PTH1R: variants seen among roughly 807,000 people sequenced by gnomAD.
PTH1R encodes the protein parathyroid hormone/parathyroid hormone-related peptide receptor.
Under a neutral mutation model 70.7 loss-of-function variants are expected in PTH1R, and 32 were observed. That is an observed-to-expected ratio of 0.45 (90% confidence interval 0.34 to 0.61). PTH1R has a LOEUF of 0.61. Among genes scored for constraint, PTH1R ranks in the 20% least tolerant of loss-of-function variants. PTH1R has a pLI of 0.01. For synonymous variants in PTH1R, 329 were observed against 324.8 expected, an observed-to-expected ratio of 1.01 and a Z score of -0.14; for missense variants, 626 against 792.5, an observed-to-expected ratio of 0.79 and a Z score of 2.52.
At chr3:46,885,703 G>A (rs999754973) in intron 3 of PTH1R, among the ~76,000 whole-genome samples, 6 of 152,126 alleles carry the variant, frequency 3.9e-5, no homozygotes, top group Non-Finnish European at 5.9e-5. Flanking sequence ...CCCTGGCTTC[G>A]GGGCCAGAAG....
At chr3:46,881,650 C>T (rs1022141130) in intron 2 of PTH1R, among the ~76,000 whole-genome samples, 1 of 148,580 alleles carries the variant, frequency 6.7e-6, no homozygotes, top group Non-Finnish European at 1.5e-5. Context: ...GGGCGGGGGT[C>T]GGGGCTGGCC....
At position 46,887,100 on chromosome 3, in the gene PTH1R, C is replaced by T. The variant is rs150485543; in HGVS notation, c.75+3466C>T. Among the ~76,000 whole-genome samples, 584 of 151,954 alleles carry T rather than the reference C, an allele frequency of 3.8e-3. 6 individuals carry two copies. The highest frequency in any genetic ancestry group is 0.014 in the African/African-American group (562 of 41,406). Reference sequence around the variant, plus strand: ...ACTAAGAATACAAAAATTAGCCACGCGTGGTGGTACGTGCCTGTAATCCCA... The same window carrying T: ...ACTAAGAATACAAAAATTAGCCACGTGTGGTGGTACGTGCCTGTAATCCCA... On this transcript the variant is annotated intron_variant, in intron 3 of 15. Coordinates refer to ENST00000449590, the MANE Select transcript of PTH1R (RefSeq NM_000316.3).
chr3:46,898,705 C>G lies in PTH1R; in HGVS notation c.682C>G (p.Leu228Val). ...CAACTACATCCACATGCACCTGTTC[C>G]TGTCCTTCATGCTGCGCGCCGTGAG... ...TRNYIHMHLF[L>V]SFMLRAVSIF... Residue 228 changes from leucine to valine, a missense_variant, in exon 9 of 16, where the codon CTG (leucine) becomes GTG (valine). Leu to Val is a conservative substitution (Grantham distance 32, BLOSUM62 1). Coordinates refer to ENST00000449590, the MANE Select transcript of PTH1R (RefSeq NM_000316.3). The G allele has an allele frequency of 6.2e-7, 1 of 1,612,266 alleles. No homozygotes were observed. The highest frequency in any genetic ancestry group is 2.2e-5 in the East Asian group (1 of 44,868).
Position 46,892,380 on chromosome 3 carries a change from A to G in PTH1R, c.76-1527A>G, listed in dbSNP as rs1207706455. Among the ~76,000 whole-genome samples, 1 of 152,192 alleles carries G rather than the reference A, an allele frequency of 6.6e-6. No individual in the cohort carries two copies. The highest frequency in any genetic ancestry group is 6.5e-5 in the Admixed American group (1 of 15,286). ...CACAAACACGTCCGGCTCGCGTCCC[A>G]TACTGACAGGCTGGACAGTCTCCAT... On this transcript the variant is annotated intron_variant, in intron 3 of 15. Coordinates refer to ENST00000449590, the MANE Select transcript of PTH1R (RefSeq NM_000316.3). The surrounding 1 kb of genome is among the most constrained non-coding windows in gnomAD (Gnocchi z 5.2).
chr3:46,895,075 C>CA (rs1167277169), intron 4 of PTH1R, among the ~76,000 whole-genome samples: 4 of 121,852 alleles, frequency 3.3e-5, no homozygotes, highest in Admixed American at 9.0e-5. Context: ...AAAAAAAAAA[C>CA]AAAAAAAACA....
At position 46,894,015 on chromosome 3, in the gene PTH1R, G is replaced by A. The variant is rs1183920969; in HGVS notation, c.178+6G>A. The A allele has an allele frequency of 6.2e-7, 1 of 1,613,852 alleles. No homozygotes were observed. The highest frequency in any genetic ancestry group is 1.1e-5 in the South Asian group (1 of 91,046). On this transcript the variant is annotated splice_donor_region_variant and intron_variant, in intron 4 of 15. Coordinates refer to ENST00000449590, the MANE Select transcript of PTH1R (RefSeq NM_000316.3). ...GGAGGTCCTGCAGAGGCCAGGTGGG[G>A]GTCAAAGGAAGAGGGTCTGGGGATG...
Position 46,891,793 on chromosome 3 carries a change from C to T in PTH1R, c.76-2114C>T, listed in dbSNP as rs1488216139. On this transcript the variant is annotated intron_variant, in intron 3 of 15. Transcript: ENST00000449590. The surrounding 1 kb of genome is among the most constrained non-coding windows in gnomAD (Gnocchi z 4.3). ...GGTTATATGGATGGTTACAGTAGTG[C>T]TCATGGTGGTAACGGTGATGCCAGT... 1.3e-5 allele frequency among the ~76,000 whole-genome samples: 2 copies of T among 151,858 alleles called. No homozygotes were observed. The highest frequency in any genetic ancestry group is 2.1e-4 in the South Asian group (1 of 4,808).
intron 4 of PTH1R, 39 bp downstream of exon 4, chr3:46,894,048 G>C: frequency 6.3e-7 from 1 of 1,596,948 alleles, no homozygotes; most frequent in Non-Finnish European, 8.6e-7. Context: ...ATGAGGTCAG[G>C]TGAGGGAGGG....
rs73831404 is a variant in PTH1R at position 46,901,719 on chromosome 3, G to A, written c.1117-47G>A. ...GGCCGTGGCTGCCAGGCCTTGCCCC[G>A]CCCCACTAGGGTGCAGCCTCCAGAC... On this transcript the variant is annotated intron_variant, in intron 12 of 15. Transcript: ENST00000449590. The surrounding 1 kb of genome is among the most constrained non-coding windows in gnomAD (Gnocchi z 7.3). 4.5e-4 allele frequency: 712 copies of A among 1,578,540 alleles called. 3 individuals are homozygous for A. The African/African-American group carries it at 6.9e-3, about 15-fold the overall frequency.
Position 46,883,529 on chromosome 3 carries a change from G to T in PTH1R, c.-31G>T. The T allele has an allele frequency of 6.7e-7, 1 of 1,498,924 alleles. No homozygotes were observed. The highest frequency in any genetic ancestry group is 8.9e-7 in the Non-Finnish European group (1 of 1,129,930). 92.9% of individuals were successfully genotyped at this position (1,498,924 alleles called of 1,614,324 possible). ...ACCACCAGGGCCGGCGGCGGCGGCT[G>T]CCCCGAGGGACGCGGCCCTAGGCGG... is the stretch of plus-strand genomic sequence containing the variant. On this transcript the variant is annotated 5_prime_UTR_variant, in exon 3 of 16. Transcript: ENST00000449590. This position sits in a 1 kb window ranked among gnomAD's most constrained non-coding sequence, Gnocchi z 6.4.
Position 46,903,008 on chromosome 3 carries a change from T to G in PTH1R, c.1395+218T>G, listed in dbSNP as rs1472082403. On this transcript the variant is annotated intron_variant, in intron 15 of 15. Coordinates refer to ENST00000449590, the MANE Select transcript of PTH1R (RefSeq NM_000316.3). The surrounding 1 kb of genome is among the most constrained non-coding windows in gnomAD (Gnocchi z 4.4). Reference sequence around the variant, plus strand: ...CAGTCACTGGCATAGCCAAGTGTCTTCCCAGCCCCATGGTTCAATTATCTG... The same window carrying G: ...CAGTCACTGGCATAGCCAAGTGTCTGCCCAGCCCCATGGTTCAATTATCTG... 1.0e-6 allele frequency: 1 copy of G among 955,594 alleles called. No individual in the cohort carries two copies. The highest frequency in any genetic ancestry group is 1.6e-6 in the Non-Finnish European group (1 of 616,840). 59.2% of individuals were successfully genotyped at this position (955,594 alleles called of 1,614,324 possible). A position where few individuals can be genotyped will look rare whatever the true frequency, so the allele number is the denominator to read the frequency against.
At chr3:46,881,703 A>T (rs1363396481) in intron 2 of PTH1R, among the ~76,000 whole-genome samples, 1 of 141,070 alleles carries the variant, frequency 7.1e-6, no homozygotes. Context: ...GACTGAGGGC[A>T]GGGGACGAGG....
At position 46,902,397 on chromosome 3, in the gene PTH1R, C is replaced by A; in HGVS notation, c.1212-129C>A. ...AGCCATGCAGGTGAACTGGGTTGTC[C>A]TCCCATGGTGACTGGAGCCCTGGGC... On this transcript the variant is annotated intron_variant, in intron 13 of 15. Transcript: ENST00000449590. This position sits in a 1 kb window ranked among gnomAD's most constrained non-coding sequence, Gnocchi z 5.4. 7.8e-7 allele frequency: 1 copy of A among 1,288,440 alleles called. No homozygotes were observed. The allele number at this position is 1,288,440 out of a possible 1,614,324, so 79.8% of individuals were successfully genotyped here.
intron 3 of PTH1R, among the ~76,000 whole-genome samples, chr3:46,886,422 A>G (rs2031025449): frequency 6.6e-6 from 1 of 152,004 alleles, no homozygotes. Flanking sequence ...CAGTAGTGCG[A>G]TCTCGGCTCA....
intron 3 of PTH1R, among the ~76,000 whole-genome samples, chr3:46,886,113 T>C (rs569687567): frequency 4.5e-4 from 68 of 152,094 alleles, no homozygotes; most frequent in African/African-American, 1.4e-3. Flanking sequence ...GACCCACAGA[T>C]TGTGAGTAGG....
intron 3 of PTH1R, among the ~76,000 whole-genome samples, chr3:46,885,030 A>G (rs77707094): frequency 0.017 from 2,607 of 151,988 alleles, 72 homozygotes; most frequent in African/African-American, 0.058. Flanking sequence ...CTGCAGAGAC[A>G]CTCCAAGTAC....
intron 10 of PTH1R, among the ~76,000 whole-genome samples, chr3:46,900,675 A>G (rs2032062926): frequency 6.6e-6 from 1 of 152,114 alleles, no homozygotes; most frequent in Non-Finnish European, 1.5e-5. Context: ...CTGTCTCCCC[A>G]TGGGAGCTGC....
Position 46,903,551 on chromosome 3 carries a change from G to A in PTH1R, c.1677G>A (p.Lys559=). The A allele has an allele frequency of 6.2e-7, 1 of 1,614,022 alleles. No homozygotes were observed. Among genetic ancestry groups the A allele is most frequent in the Non-Finnish European group, 8.5e-7 (1 of 1,180,032 alleles). ...ETTPPAMAAP[K]DDGFLNGSCS... ...CACCACCTGCCATGGCTGCTCCCAAGGACGATGGGTTCCTCAACGGCTCCT... is the reference window on the plus strand; with the variant it reads ...CACCACCTGCCATGGCTGCTCCCAAAGACGATGGGTTCCTCAACGGCTCCT... The change falls in exon 16 of 16, where the codon AAG becomes AAA. Residue 559 remains lysine, a synonymous_variant. Coordinates refer to ENST00000449590, the MANE Select transcript of PTH1R (RefSeq NM_000316.3). This position sits in a 1 kb window ranked among gnomAD's most constrained non-coding sequence, Gnocchi z 4.4.
At position 46,896,007 on chromosome 3, in the gene PTH1R, G is replaced by A; in HGVS notation, c.313+138G>A. ...GCTGCAGCCACATCCCCAGGCAAGG[G>A]GCTGGGAGAAGACAGAGTGTAGTGG... is the stretch of plus-strand genomic sequence containing the variant. On this transcript the variant is annotated intron_variant, in intron 5 of 15. Transcript: ENST00000449590. The surrounding 1 kb of genome is among the most constrained non-coding windows in gnomAD (Gnocchi z 4.1). 2 of 1,177,536 alleles carry A rather than the reference G, an allele frequency of 1.7e-6. No individual in the cohort carries two copies. The highest frequency in any genetic ancestry group is 1.2e-6 in the Non-Finnish European group (1 of 823,512). 72.9% of individuals were successfully genotyped at this position (1,177,536 alleles called of 1,614,324 possible).
Sources: gnomAD v4.1 joint callset for allele counts (sites outside exome capture counted in the v4.1 genomes callset) on GRCh38, gnomAD v4.1.1 for gene constraint, Gnocchi (gnomAD v3.1) non-coding constraint, MANE v1.5 for transcripts, NCBI Gene and HGNC (gene_info 2026-07-23, HGNC 2026-07-21) for gene names.